Variants in BCAS3 observed in about 807,000 individuals in gnomAD.
BCAS3 encodes the protein BCAS3 microtubule associated cell migration factor.
Under a neutral mutation model 116.1 loss-of-function variants are expected in BCAS3, and 53 were observed. The ratio of observed to expected loss-of-function variants is 0.46; its 90% CI spans 0.37 to 0.57. The LOEUF (loss-of-function observed/expected upper bound fraction) is 0.57, where lower values mean the gene tolerates loss of function less well. BCAS3 is among the 20% of genes least tolerant of loss of function. The pLI, the probability that BCAS3 is intolerant of heterozygous loss-of-function variation, is 0.00. For synonymous variants in BCAS3, 391 were observed against 408.2 expected, an observed-to-expected ratio of 0.96 and a Z score of 0.51; for missense variants, 917 against 1,165.4, an observed-to-expected ratio of 0.79 and a Z score of 3.10.
At chr17:60,694,172 C>T (rs1362045986) in intron 4 of BCAS3, among the ~76,000 whole-genome samples, 141 of 149,978 alleles carry the variant, frequency 9.4e-4, no homozygotes, top group African/African-American at 3.4e-3. Context: ...AGGCGTGAGC[C>T]ACCGCGCCCG....
At chr17:60,981,152 A>C (rs2145399278) in intron 14 of BCAS3, among the ~76,000 whole-genome samples, 1 of 152,274 alleles carries the variant, frequency 6.6e-6, no homozygotes, top group South Asian at 2.1e-4. Context: ...TTCTTTGTAC[A>C]TGCAAAGTTT....
intron 12 of BCAS3, among the ~76,000 whole-genome samples, chr17:60,919,262 T>A (rs1252721023): frequency 6.6e-6 from 1 of 152,188 alleles, no homozygotes; most frequent in Non-Finnish European, 1.5e-5. Flanking sequence ...GGTGTCATAT[T>A]TCCTTGCTTT....
chr17:60,942,926 A>T (rs1268511254), intron 13 of BCAS3, among the ~76,000 whole-genome samples: 26 of 152,200 alleles, frequency 1.7e-4, no homozygotes, highest in Non-Finnish European at 2.9e-5. Flanking sequence ...CTGAACAGGC[A>T]CATAAAGTTA....
chr17:60,787,563 C>A (rs1470027875), intron 6 of BCAS3, among the ~76,000 whole-genome samples: 2 of 151,928 alleles, frequency 1.3e-5, no homozygotes, highest in Non-Finnish European at 2.9e-5. Context: ...GTATGCTGAG[C>A]AAATAAGTAA....
Position 60,961,903 on chromosome 17 carries a change from A to G in BCAS3, c.1221+14551A>G, listed in dbSNP as rs1472198292. 6.6e-6 allele frequency among the ~76,000 whole-genome samples: 1 copy of G among 152,136 alleles called. No individual in the cohort carries two copies. On this transcript the variant is annotated intron_variant, in intron 14 of 23. Transcript: ENST00000407086. The surrounding 1 kb of genome is among the most constrained non-coding windows in gnomAD (Gnocchi z 4.8). ...TGAACTACAAAAGGATCAAAGATCCACTTTTGTAGTTCCCACCTAGGAGTG... is the reference window on the plus strand; with the variant it reads ...TGAACTACAAAAGGATCAAAGATCCGCTTTTGTAGTTCCCACCTAGGAGTG...
chr17:60,832,441 A>G (rs1443502227), intron 7 of BCAS3, among the ~76,000 whole-genome samples: 2 of 152,198 alleles, frequency 1.3e-5, no homozygotes, highest in Non-Finnish European at 2.9e-5. Flanking sequence ...TTTAAAAAAA[A>G]TTTCTCAGTT....
rs2070231288 is a variant in BCAS3, at chr17:61,063,081, A to T, written c.2030-11839A>T. On this transcript the variant is annotated intron_variant, in intron 19 of 23. Transcript: ENST00000407086. This position sits in a 1 kb window ranked among gnomAD's most constrained non-coding sequence, Gnocchi z 5.3. ...ATGTTATTATTTTCTTTGGCCCTCCAGAAAGTCAACAAACAAACTGCCTCA... is the reference window on the plus strand; with the variant it reads ...ATGTTATTATTTTCTTTGGCCCTCCTGAAAGTCAACAAACAAACTGCCTCA... 6.6e-6 allele frequency among the ~76,000 whole-genome samples: 1 copy of T among 152,182 alleles called. No individual in the cohort carries two copies. Among genetic ancestry groups the T allele is most frequent in the Admixed American group, 6.5e-5 (1 of 15,282 alleles).
At chr17:61,090,081 C>A (rs1027739631) in intron 22 of BCAS3, among the ~76,000 whole-genome samples, 2 of 152,142 alleles carry the variant, frequency 1.3e-5, no homozygotes, top group African/African-American at 4.8e-5. Context: ...TTGCTGAAAC[C>A]TTCAAGTCAT....
chr17:61,201,759 CTTT>C (rs34301859), intron 22 of BCAS3, among the ~76,000 whole-genome samples: 12 of 142,156 alleles, frequency 8.4e-5, no homozygotes, highest in Non-Finnish European at 9.2e-5. Context: ...AGGAAACTAA[CTTT>C]TTTTTTTTTT....
intron 7 of BCAS3, among the ~76,000 whole-genome samples, chr17:60,835,637 T>A (rs1014216091): frequency 6.6e-6 from 1 of 152,102 alleles, no homozygotes; most frequent in Non-Finnish European, 1.5e-5. Flanking sequence ...GCTTTTCTTA[T>A]CAGGCCATGG....
In BCAS3 at chr17:61,214,840, C is replaced by T. The variant is rs1408424718; in HGVS notation, c.2425+130276C>T. 2.0e-5 allele frequency among the ~76,000 whole-genome samples: 3 copies of T among 152,198 alleles called. No homozygotes were observed. Among genetic ancestry groups the T allele is most frequent in the Non-Finnish European group, 4.4e-5 (3 of 68,032 alleles). On this transcript the variant is annotated intron_variant, in intron 22 of 23. Coordinates refer to ENST00000407086, the MANE Select transcript of BCAS3 (RefSeq NM_017679.5). The surrounding 1 kb of genome is among the most constrained non-coding windows in gnomAD (Gnocchi z 4.4). ...AGCTAATTCTTCAGAAGAGTATGTT[C>T]TAGCTAAGGGTGTACTATAAAGGTG...
intron 10 of BCAS3, 62 bp from the exon 11 acceptor site, chr17:60,902,558 C>A: frequency 7.6e-7 from 1 of 1,323,410 alleles, no homozygotes; most frequent in Non-Finnish European, 1.1e-6. Flanking sequence ...ATCCTGATAG[C>A]CTGTAGAGTT....
Position 61,380,437 on chromosome 17 carries a change from A to G in BCAS3, c.2594-11540A>G. On this transcript the variant is annotated intron_variant, in intron 23 of 23. Coordinates refer to ENST00000407086, the MANE Select transcript of BCAS3 (RefSeq NM_017679.5). This position sits in a 1 kb window ranked among gnomAD's most constrained non-coding sequence, Gnocchi z 4.2. ...TTGGGTATCGACTCACTTTGATCTC[A>G]GCTCTTCCTGCTCTCTTAAAGGTCC... 8 of 1,455,582 alleles carry G rather than the reference A, an allele frequency of 5.5e-6. No homozygotes were observed. The South Asian group carries it at 5.9e-5, about 11-fold the overall frequency. 90.2% of individuals were successfully genotyped at this position (1,455,582 alleles called of 1,614,324 possible). A position where few individuals can be genotyped will look rare whatever the true frequency, so the allele number is the denominator to read the frequency against.
rs746932779 is a variant in BCAS3, at chr17:61,083,785, G to A, written c.2328-682G>A. Among the ~76,000 whole-genome samples, 1 of 151,718 alleles carries A rather than the reference G, an allele frequency of 6.6e-6. No homozygotes were observed. Among genetic ancestry groups the A allele is most frequent in the East Asian group, 1.9e-4 (1 of 5,156 alleles). On this transcript the variant is annotated intron_variant, in intron 21 of 23. Coordinates refer to ENST00000407086, the MANE Select transcript of BCAS3 (RefSeq NM_017679.5). The surrounding 1 kb of genome is among the most constrained non-coding windows in gnomAD (Gnocchi z 4.9). ...TAATTTTTGCATTTTTAGTAGAGAC[G>A]GGGCTTCACCGTGTTAGCCAGGATG...
Position 61,074,925 on chromosome 17 carries a change from C to G in BCAS3, c.2035C>G (p.Pro679Ala). 2 of 1,608,650 alleles carry G rather than the reference C, an allele frequency of 1.2e-6. No individual in the cohort carries two copies. Among genetic ancestry groups the G allele is most frequent in the Non-Finnish European group, 1.7e-6 (2 of 1,176,030 alleles). ...YYQFLLAGLV[P>A]PGSPGPITRH... Reference sequence around the variant, plus strand: ...CTATTTTCTTTCTCCTATAGTGGTTCCCCCTGGAAGTCCTGGGCCCATTAC... The same window carrying G: ...CTATTTTCTTTCTCCTATAGTGGTTGCCCCTGGAAGTCCTGGGCCCATTAC... Residue 679 changes from proline to alanine, a missense_variant, in exon 20 of 24, where the codon CCC (proline) becomes GCC (alanine). Pro to Ala is a conservative substitution (Grantham distance 27). Transcript: ENST00000407086.
chr17:60,699,773 A>G (rs1371818018), intron 4 of BCAS3, among the ~76,000 whole-genome samples: 1 of 151,894 alleles, frequency 6.6e-6, no homozygotes, highest in Non-Finnish European at 1.5e-5. Flanking sequence ...GGTGTTTTAA[A>G]AAGAGCAGTT....
chr17:60,758,744 AT>A (rs2043227560), intron 6 of BCAS3, among the ~76,000 whole-genome samples: 1 of 151,886 alleles, frequency 6.6e-6, no homozygotes, highest in East Asian at 1.9e-4. Context: ...TACTTTTTTG[AT>A]GTGTTTATTG....
chr17:60,757,228 T>C (rs1169891687), intron 6 of BCAS3, among the ~76,000 whole-genome samples: 3 of 151,606 alleles, frequency 2.0e-5, no homozygotes, highest in Non-Finnish European at 4.4e-5. Flanking sequence ...AGGCAGGGAA[T>C]TGCTTGAACC....
Position 61,044,465 on chromosome 17 carries a change from AAT to A in BCAS3, c.2029+3586_2029+3587del, listed in dbSNP as rs1555683922. ...CTGTCTCAAAAAAAAAAAAAAAAAA[AAT>A]ATATATATATATGCCATAAGAACTT... On this transcript the variant is annotated intron_variant, in intron 19 of 23. Transcript: ENST00000407086. Among the ~76,000 whole-genome samples, 118 of 120,096 alleles carry A rather than the reference AAT, an allele frequency of 9.8e-4. 2 individuals are homozygous for A. Among genetic ancestry groups the A allele is most frequent in the African/African-American group, 2.1e-3 (42 of 20,052 alleles). The allele number at this position is 120,096 out of a possible 152,430, so 78.8% of individuals were successfully genotyped here.
Sources: allele counts gnomAD v4.1 joint callset (sites outside exome capture counted in the v4.1 genomes callset), GRCh38; gene constraint gnomAD v4.1.1; non-coding constraint Gnocchi (gnomAD v3.1); transcripts MANE v1.5; gene names NCBI Gene and HGNC (gene_info 2026-07-23, HGNC 2026-07-21).